RADIL: variants seen among roughly 807,000 people sequenced by gnomAD.
The protein encoded by RADIL is Rap associating with DIL domain.
A neutral mutation model predicts 97.6 loss-of-function variants in RADIL; 99 were observed. The observed-to-expected ratio is 1.01, with a 90% CI of 0.86 to 1.20. The LOEUF (loss-of-function observed/expected upper bound fraction) is 1.20, where lower values mean the gene tolerates loss of function less well. Among genes scored for constraint, RADIL ranks in the 50% most tolerant of loss-of-function variants. The probability of loss-of-function intolerance (pLI) is 0.00; values close to 1 mark genes in which losing one functional copy is unlikely to be tolerated. For missense variants in RADIL, 1,765 were observed against 1,498.9 expected (o/e 1.18, Z -2.93); for synonymous variants, 803 against 691.8 (o/e 1.16, Z -2.52).
intron 2 of RADIL, among the ~76,000 whole-genome samples, chr7:4,838,458 C>G (rs1217602063): frequency 6.6e-6 from 1 of 152,166 alleles, no homozygotes; most frequent in East Asian, 1.9e-4. Flanking sequence ...CCCAGAGGAC[C>G]TGGCCACAAA....
rs1164692654 is a variant in RADIL at position 4,872,806 on chromosome 7, GC to G, written c.535+4798del. Among the ~76,000 whole-genome samples the G allele has an allele frequency of 6.6e-6, 1 of 152,160 alleles. No homozygotes were observed. The highest frequency in any genetic ancestry group is 1.5e-5 in the Non-Finnish European group (1 of 68,028). ...AGTGATGAGTGAACCGGCAGGAAGC[GC>G]CTGGCTGACACCTTCCCCACCAGAC... On this transcript the variant is annotated intron_variant, in intron 2 of 14. Coordinates refer to ENST00000399583, the MANE Select transcript of RADIL (RefSeq NM_018059.5). This position sits in a 1 kb window ranked among gnomAD's most constrained non-coding sequence, Gnocchi z 5.8.
chr7:4,823,562 G>C (rs1782893164), intron 5 of RADIL, among the ~76,000 whole-genome samples: 1 of 152,160 alleles, frequency 6.6e-6, no homozygotes, highest in South Asian at 2.1e-4. Context: ...GCAGGTAGGG[G>C]TTGGGGGGGC....
At chr7:4,807,945 CT>C in intron 9 of RADIL, among the ~76,000 whole-genome samples, 1 of 77,074 alleles carries the variant, frequency 1.3e-5, no homozygotes, top group Non-Finnish European at 2.5e-5. Flanking sequence ...CCTCCCTCTC[CT>C]CTCCCTCCCT....
intron 2 of RADIL, among the ~76,000 whole-genome samples, chr7:4,863,105 C>G (rs1020930647): frequency 7.2e-5 from 11 of 152,106 alleles, no homozygotes; most frequent in Non-Finnish European, 1.2e-4. Flanking sequence ...CTCCATGTCT[C>G]TTAAGCCGTG....
chr7:4,880,871 A>G lies in RADIL; in HGVS notation c.-64-2668T>C, dbSNP rs1455126027. The stretch of plus-strand genomic sequence containing the variant: ...CAAGTATTTAAAAGGCCAAGGCAGG[A>G]GAATGGCTTAAGGCCAGGAGTTCAA... On this transcript the variant is annotated intron_variant, in intron 1 of 14. Transcript: ENST00000399583. The surrounding 1 kb of genome is among the most constrained non-coding windows in gnomAD (Gnocchi z 4.5). 6.6e-6 allele frequency among the ~76,000 whole-genome samples: 1 copy of G among 152,234 alleles called. No homozygotes were observed. The highest frequency in any genetic ancestry group is 6.5e-5 in the Admixed American group (1 of 15,278).
At chr7:4,806,264 C>T (rs971091587) in intron 9 of RADIL, among the ~76,000 whole-genome samples, 2 of 152,252 alleles carry the variant, frequency 1.3e-5, no homozygotes, top group East Asian at 3.9e-4. Flanking sequence ...ATCCTCCCAC[C>T]TCAGCCTCCT....
In RADIL at chr7:4,835,029, C is replaced by A. The variant is rs775977085; in HGVS notation, c.994G>T (p.Val332Leu). 1 of 1,610,848 alleles carries A rather than the reference C, an allele frequency of 6.2e-7. No individual in the cohort carries two copies. The highest frequency in any genetic ancestry group is 8.5e-7 in the Non-Finnish European group (1 of 1,179,114). The change falls in exon 4 of 15, where the codon GTG becomes TTG. Residue 332 changes from valine (V) to leucine (L), a missense_variant. Val to Leu is a conservative substitution (Grantham distance 32). Transcript: ENST00000399583. The surrounding 1 kb of genome is among the most constrained non-coding windows in gnomAD (Gnocchi z 5.8). ...GAHISVNFSE[V>L]GHRTVVLHHG... The stretch of plus-strand genomic sequence containing the variant: ...TGCAGCACCACGGTCCTGTGCCCCA[C>A]CTCGGAGAAGTTGACGGAGATGTGC...
chr7:4,815,278 C>G lies in RADIL; in HGVS notation c.2139G>C (p.Gln713His). Residue 713 changes from glutamine (Q) to histidine (H), a missense_variant and splice_region_variant, in exon 9 of 15, where the codon CAG becomes CAC. Coordinates refer to ENST00000399583, the MANE Select transcript of RADIL (RefSeq NM_018059.5). The surrounding 1 kb of genome is among the most constrained non-coding windows in gnomAD (Gnocchi z 8.0). ...LLATPRAQLI[Q>H]MSWTALRAAF... ...CGCCGCCTCCCATGCGCACCCCTAC[C>G]TGGATGAGCTGGGCCCTGGGTGTGG... is the stretch of plus-strand genomic sequence containing the variant. The G allele has an allele frequency of 6.4e-7, 1 of 1,554,418 alleles. No homozygotes were observed. Among genetic ancestry groups the G allele is most frequent in the Non-Finnish European group, 8.7e-7 (1 of 1,149,382 alleles).
rs922024748 is a variant in RADIL, at chr7:4,818,321, C to T, written c.1616-970G>A. ...TGCCCCTCTGCCGGGCAGACTGCACCGGAGGCCGGCCCACTCATGGCCAGG... is the reference window on the plus strand; with the variant it reads ...TGCCCCTCTGCCGGGCAGACTGCACTGGAGGCCGGCCCACTCATGGCCAGG... On this transcript the variant is annotated intron_variant, in intron 6 of 14. Transcript: ENST00000399583. The surrounding 1 kb of genome is among the most constrained non-coding windows in gnomAD (Gnocchi z 7.1). Among the ~76,000 whole-genome samples the T allele has an allele frequency of 2.0e-5, 3 of 152,304 alleles. No individual in the cohort carries two copies. Among genetic ancestry groups the T allele is most frequent in the East Asian group, 1.9e-4 (1 of 5,172 alleles).
chr7:4,842,173 A>G lies in RADIL; in HGVS notation c.536-5568T>C, dbSNP rs1238227553. Among the ~76,000 whole-genome samples the G allele has an allele frequency of 6.6e-6, 1 of 152,066 alleles. No individual in the cohort carries two copies. The highest frequency in any genetic ancestry group is 1.5e-5 in the Non-Finnish European group (1 of 68,012). On this transcript the variant is annotated intron_variant, in intron 2 of 14. Transcript: ENST00000399583. This position sits in a 1 kb window ranked among gnomAD's most constrained non-coding sequence, Gnocchi z 4.5. ...TGAAATGTCTGCCTTTGACAATGGG[A>G]TAGAAGGAGTAGAAAGTGCAGGGCG...
At chr7:4,865,796 G>C in intron 2 of RADIL, 1 of 865,384 alleles carries the variant, frequency 1.2e-6, no homozygotes, top group Admixed American at 1.7e-5. Context: ...TTTTTCACAG[G>C]AGCCATGGCA....
rs988575589 is a variant in RADIL, at chr7:4,819,600, C to T, written c.1616-2249G>A. On this transcript the variant is annotated intron_variant, in intron 6 of 14. Coordinates refer to ENST00000399583, the MANE Select transcript of RADIL (RefSeq NM_018059.5). This position sits in a 1 kb window ranked among gnomAD's most constrained non-coding sequence, Gnocchi z 5.8. ...GCGCACACGATGGTGTGAGGCGGCG[C>T]GGGAGGGGCCTGGGTCAGAGCTTTG... 1.6e-4 allele frequency among the ~76,000 whole-genome samples: 24 copies of T among 152,294 alleles called. No homozygotes were observed. Among genetic ancestry groups the T allele is most frequent in the Admixed American group, 9.8e-4 (15 of 15,296 alleles).
Position 4,822,906 on chromosome 7 carries a change from C to T in RADIL, c.1455-352G>A, listed in dbSNP as rs753703832. On this transcript the variant is annotated intron_variant, in intron 5 of 14. Transcript: ENST00000399583. This position sits in a 1 kb window ranked among gnomAD's most constrained non-coding sequence, Gnocchi z 5.3. ...ATGTGTGCCAATATGTGTGTGTGTG[C>T]GTGTATGCGTGCATGGGGGTGGGGG... is the stretch of plus-strand genomic sequence containing the variant. 2.6e-5 allele frequency among the ~76,000 whole-genome samples: 4 copies of T among 151,528 alleles called. No homozygotes were observed. The highest frequency in any genetic ancestry group is 1.9e-4 in the East Asian group (1 of 5,186).
intron 12 of RADIL, among the ~76,000 whole-genome samples, chr7:4,801,165 C>G (rs1313421114): frequency 2.0e-5 from 3 of 152,196 alleles, no homozygotes; most frequent in African/African-American, 7.2e-5. Flanking sequence ...GCACACCATG[C>G]AGACACACCC....
chr7:4,869,412 C>T (rs780563138), intron 2 of RADIL, among the ~76,000 whole-genome samples: 4 of 152,308 alleles, frequency 2.6e-5, no homozygotes, highest in East Asian at 3.9e-4. Flanking sequence ...GGATTACAGG[C>T]GTGAGCCACA....
chr7:4,810,705 G>A lies in RADIL; in HGVS notation c.2139+4573C>T, dbSNP rs185984523. 7.2e-5 allele frequency among the ~76,000 whole-genome samples: 11 copies of A among 152,346 alleles called. No individual in the cohort carries two copies. In the East Asian group the frequency reaches 7.7e-4, roughly 11 times the overall value. On this transcript the variant is annotated intron_variant, in intron 9 of 14. Transcript: ENST00000399583. ...ATGCACTCGGTCAGCTTCAGCTGAC[G>A]CTGCCAGACGGCTTTCCAAAGTGGC...
chr7:4,861,280 C>G, intron 2 of RADIL: 1 of 1,614,152 alleles, frequency 6.2e-7, no homozygotes, highest in East Asian at 2.2e-5. Flanking sequence ...CTGGAATAGT[C>G]TGTAGTGCTA....
intron 2 of RADIL, among the ~76,000 whole-genome samples, chr7:4,870,839 A>G (rs1254248464): frequency 2.0e-5 from 3 of 152,154 alleles, no homozygotes; most frequent in African/African-American, 4.8e-5. Context: ...TATGGAACGT[A>G]GCTGGACGTC....
In RADIL at chr7:4,803,425, C is replaced by G. The variant is rs565426024; in HGVS notation, c.2499+121G>C. The G allele has an allele frequency of 3.5e-6, 3 of 856,238 alleles. No homozygotes were observed. In the African/African-American group the frequency reaches 6.7e-5, roughly 19 times the overall value. The allele number at this position is 856,238 out of a possible 1,614,324, so 53.0% of individuals were successfully genotyped here. ...GGGCACACTGGCTGGGCCCCCTCCC[C>G]GGGCACCTCGGGGCACGCTGGCTGG... On this transcript the variant is annotated intron_variant, in intron 11 of 14. Transcript: ENST00000399583.
Sources: allele counts gnomAD v4.1 joint callset (sites outside exome capture counted in the v4.1 genomes callset), GRCh38; gene constraint gnomAD v4.1.1; non-coding constraint Gnocchi (gnomAD v3.1); transcripts MANE v1.5; gene names NCBI Gene and HGNC (gene_info 2026-07-23, HGNC 2026-07-21).